The following DYSF variants were observed in gnomAD, a reference collection of about 807,000 sequenced individuals.
The protein encoded by DYSF is dysferlin, also known as dystrophy-associated fer-1-like 1.
Under a neutral mutation model 274.9 loss-of-function variants are expected in DYSF, and 212 were observed. The ratio of observed to expected loss-of-function variants is 0.77; its 90% CI spans 0.69 to 0.86. The LOEUF (loss-of-function observed/expected upper bound fraction) is 0.86, where lower values mean the gene tolerates loss of function less well. Ranked by LOEUF, DYSF falls within the 40% of genes least tolerant of loss-of-function variation. The probability of loss-of-function intolerance (pLI) is 0.00; values close to 1 mark genes in which losing one functional copy is unlikely to be tolerated. For synonymous variants in DYSF, 1,091 were observed against 1,078.7 expected (o/e 1.01, Z -0.22); for missense variants, 2,666 against 2,783.2 (o/e 0.96, Z 0.95).
intron 29 of DYSF, among the ~76,000 whole-genome samples, chr2:71,572,447 C>G (rs2092548861): frequency 6.6e-6 from 1 of 152,214 alleles, no homozygotes; most frequent in Non-Finnish European, 1.5e-5. Context: ...CACACACCAA[C>G]CTGGAAGATG....
chr2:71,594,221 G>A (rs2093347491), intron 32 of DYSF, among the ~76,000 whole-genome samples: 1 of 152,212 alleles, frequency 6.6e-6, no homozygotes, highest in Admixed American at 6.5e-5. Context: ...GGTTTCCCAA[G>A]TCTGAACTCC....
In DYSF at chr2:71,549,264, G is replaced by A. The variant is rs370245865; in HGVS notation, c.1577-1777G>A. ...TGTCTTTCCATCTGTCTGCCTGCCA[G>A]CTCTCCATCCACAGCCTGTTCATGT... On this transcript the variant is annotated intron_variant, in intron 17 of 55. Coordinates refer to ENST00000410020, the MANE Select transcript of DYSF (RefSeq NM_001130987.2). 8.1e-5 allele frequency: 109 copies of A among 1,349,904 alleles called. 1 individual carries two copies. The East Asian group carries it at 1.3e-3, about 16-fold the overall frequency. 83.6% of individuals were successfully genotyped at this position (1,349,904 alleles called of 1,614,324 possible).
intron 41 of DYSF, among the ~76,000 whole-genome samples, chr2:71,633,905 C>T (rs55964785): frequency 0.047 from 7,076 of 152,146 alleles, 213 homozygotes; most frequent in Middle Eastern, 0.13. Flanking sequence ...TTTTTCCACC[C>T]GTATTCATGA....
chr2:71,670,249 C>T (rs2095095876), intron 51 of DYSF, among the ~76,000 whole-genome samples: 1 of 152,186 alleles, frequency 6.6e-6, no homozygotes, highest in Non-Finnish European at 1.5e-5. Context: ...ATCCAGATCC[C>T]AAAGTCACTG....
intron 30 of DYSF, among the ~76,000 whole-genome samples, chr2:71,582,683 C>T (rs1221468302): frequency 6.6e-6 from 1 of 152,124 alleles, no homozygotes; most frequent in Non-Finnish European, 1.5e-5. Context: ...CAAAACAATC[C>T]CCAGCCCTGG....
At position 71,568,338 on chromosome 2, in the gene DYSF, C is replaced by T. The variant is rs201209494; in HGVS notation, c.2864C>T (p.Thr955Ile). 145 of 1,613,896 alleles carry T rather than the reference C, an allele frequency of 9.0e-5. No individual in the cohort carries two copies. Among genetic ancestry groups the T allele is most frequent in the East Asian group, 1.3e-4 (6 of 44,858 alleles). The change falls in exon 26 of 56, where the codon ACT becomes ATT. Residue 955 changes from threonine to isoleucine, a missense_variant and splice_region_variant. Thr to Ile is a moderately conservative substitution (Grantham distance 89). Transcript: ENST00000410020. ...AGDWFVCPEK[T>I]LLHDMDAGHL... The stretch of plus-strand genomic sequence containing the variant: ...GATTGGTTCGTGTGTCCGGAGAAGA[C>T]GTGAGTCGTGGGCAGGGAGGGCTGG...
At position 71,598,652 on chromosome 2, in the gene DYSF, C is replaced by T. The variant is rs748966868; in HGVS notation, c.3663C>T (p.Leu1221=). ...NTLNPTWDQT[L]IFYEIEIFGE... ...TTAACCCCACCTGGGACCAGACGCTCATCTTCTACGAGATCGAGATCTTTG... is the reference window on the plus strand; with the variant it reads ...TTAACCCCACCTGGGACCAGACGCTTATCTTCTACGAGATCGAGATCTTTG... The change falls in exon 33 of 56, where the codon CTC becomes CTT. Residue 1221 remains leucine (L), a synonymous_variant. Coordinates refer to ENST00000410020, the MANE Select transcript of DYSF (RefSeq NM_001130987.2). 1.4e-5 allele frequency: 23 copies of T among 1,614,066 alleles called. No individual in the cohort carries two copies. Among genetic ancestry groups the T allele is most frequent in the Non-Finnish European group, 1.8e-5 (21 of 1,180,066 alleles).
At chr2:71,655,837 C>T (rs1330660701) in intron 42 of DYSF, among the ~76,000 whole-genome samples, 1 of 152,130 alleles carries the variant, frequency 6.6e-6, no homozygotes, top group Non-Finnish European at 1.5e-5. Flanking sequence ...TTTTATTGAC[C>T]AGAAAACCCT....
intron 4 of DYSF, among the ~76,000 whole-genome samples, chr2:71,509,454 A>G (rs952220542): frequency 3.3e-5 from 5 of 152,096 alleles, no homozygotes; most frequent in African/African-American, 1.2e-4. Flanking sequence ...GAGCCACTGT[A>G]CCTGGCCGTA....
intron 1 of DYSF, among the ~76,000 whole-genome samples, chr2:71,457,729 G>A (rs1465933075): frequency 1.3e-5 from 2 of 152,138 alleles, no homozygotes; most frequent in Admixed American, 6.5e-5. Context: ...GATGCAGGAC[G>A]CTCCCTCCAG....
In DYSF at chr2:71,570,623, C is replaced by A; in HGVS notation, c.3110C>A (p.Pro1037His). 1 of 1,614,076 alleles carries A rather than the reference C, an allele frequency of 6.2e-7. No homozygotes were observed. The highest frequency in any genetic ancestry group is 2.2e-5 in the East Asian group (1 of 44,874). ...GGCTGGGAGTATAGCATCACCATCCCCCCGGAGCGGAAGCCGAAGCACTGG... is the reference window on the plus strand; with the variant it reads ...GGCTGGGAGTATAGCATCACCATCCACCCGGAGCGGAAGCCGAAGCACTGG... ...EQGWEYSITI[P>H]PERKPKHWVP... Residue 1037 changes from proline (P) to histidine (H), a missense_variant, in exon 29 of 56, where the codon CCC (proline) becomes CAC (histidine). Physicochemically the swap from Pro to His is moderately conservative, Grantham distance 77. Coordinates refer to ENST00000410020, the MANE Select transcript of DYSF (RefSeq NM_001130987.2).
At chr2:71,653,768 A>C (rs1054692884) in intron 42 of DYSF, among the ~76,000 whole-genome samples, 1 of 152,084 alleles carries the variant, frequency 6.6e-6, no homozygotes, top group Non-Finnish European at 1.5e-5. Flanking sequence ...TATGTAACAG[A>C]CCTGCACATT....
chr2:71,650,931 CTAAT>C (rs1226661214), intron 42 of DYSF, among the ~76,000 whole-genome samples: 2 of 151,992 alleles, frequency 1.3e-5, no homozygotes, highest in Non-Finnish European at 2.9e-5. Flanking sequence ...AAAAAGAAAA[CTAAT>C]TAAGTATCTA....
chr2:71,545,564 G>A (rs746908444), intron 17 of DYSF, among the ~76,000 whole-genome samples: 17 of 152,306 alleles, frequency 1.1e-4, no homozygotes, highest in Middle Eastern at 3.4e-3. Context: ...TGGTAATGCA[G>A]ACAGAGGGTC....
intron 42 of DYSF, among the ~76,000 whole-genome samples, chr2:71,654,357 C>T (rs1448476716): frequency 6.6e-6 from 1 of 152,164 alleles, no homozygotes; most frequent in African/African-American, 2.4e-5. Context: ...CATCAGAGGT[C>T]TTAAAATGTG....
rs543271908 is a variant in DYSF, at chr2:71,561,669, G to A, written c.2217-83G>A. ...GCAGGCGGAGGGGGTGGGGCCTGCTGTGAGAACCTGGCACATGTGCATGCC... is the reference window on the plus strand; with the variant it reads ...GCAGGCGGAGGGGGTGGGGCCTGCTATGAGAACCTGGCACATGTGCATGCC... On this transcript the variant is annotated intron_variant, in intron 22 of 55. Transcript: ENST00000410020. The A allele has an allele frequency of 1.2e-5, 18 of 1,556,988 alleles. No individual in the cohort carries two copies. In the East Asian group the frequency reaches 3.1e-4, roughly 27 times the overall value.
intron 8 of DYSF, 102 bp downstream of exon 8, chr2:71,515,853 C>T (rs527406101): frequency 7.2e-6 from 11 of 1,526,104 alleles, no homozygotes; most frequent in South Asian, 4.8e-5. Context: ...TTACGTATGG[C>T]GCTGACCTTG....
upstream of DYSF, among the ~76,000 whole-genome samples, chr2:71,465,412 T>C (rs1189108748): frequency 6.6e-6 from 1 of 152,050 alleles, no homozygotes. Context: ...AGAGTGAGGT[T>C]GGGCGATGGG....
At chr2:71,511,576 C>T (rs1465507700) in intron 4 of DYSF, among the ~76,000 whole-genome samples, 1 of 152,216 alleles carries the variant, frequency 6.6e-6, no homozygotes, top group Admixed American at 6.5e-5. Context: ...CAGATCTTGC[C>T]TAAGGTCACA....
Sources: gnomAD v4.1 joint callset for allele counts (sites outside exome capture counted in the v4.1 genomes callset) on GRCh38, gnomAD v4.1.1 for gene constraint, MANE v1.5 for transcripts, NCBI Gene and HGNC (gene_info 2026-07-23, HGNC 2026-07-21) for gene names.